Variants in SCYL2 observed in about 807,000 individuals in gnomAD.
SCYL2 encodes the protein SCY1-like protein 2.
Under a neutral mutation model 100.4 loss-of-function variants are expected in SCYL2, and 36 were observed. The ratio of observed to expected loss-of-function variants is 0.36; its 90% CI spans 0.27 to 0.47. The LOEUF (loss-of-function observed/expected upper bound fraction) is 0.47, where lower values mean the gene tolerates loss of function less well. SCYL2 is among the 20% of genes least tolerant of loss of function. The pLI is 1.00. For missense variants in SCYL2, 902 were observed against 1,083.9 expected, an observed-to-expected ratio of 0.83 and a Z score of 2.36; for synonymous variants, 330 against 359.2, an observed-to-expected ratio of 0.92 and a Z score of 0.92.
intron 6 of SCYL2, among the ~76,000 whole-genome samples, chr12:100,313,045 C>T (rs1041292944): frequency 6.6e-6 from 1 of 152,262 alleles, no homozygotes; most frequent in Non-Finnish European, 1.5e-5. Context: ...GGGAGGATCA[C>T]TTGAGCCTGG....
chr12:100,334,228 T>A lies in SCYL2; in HGVS notation c.1824T>A (p.Thr608=), dbSNP rs776636713. The change falls in exon 14 of 18, where the codon ACT becomes ACA. Residue 608 remains threonine, a synonymous_variant. Coordinates refer to ENST00000360820, the MANE Select transcript of SCYL2 (RefSeq NM_017988.6). The stretch of plus-strand genomic sequence containing the variant: ...ATAGATTGGAGTCTGAACATAAGAC[T>A]AAACTGGAGCAACTTCATATAATGC... ...MLNRLESEHK[T]KLEQLHIMQE... is the part of the protein sequence containing the mutation. The A allele has an allele frequency of 1.2e-6, 2 of 1,604,738 alleles. No individual in the cohort carries two copies. The highest frequency in any genetic ancestry group is 2.2e-5 in the East Asian group (1 of 44,722).
intron 10 of SCYL2, among the ~76,000 whole-genome samples, chr12:100,321,970 C>T (rs1310488243): frequency 6.8e-6 from 1 of 148,082 alleles, no homozygotes; most frequent in Non-Finnish European, 1.5e-5. Context: ...AGGAGGATCA[C>T]TTGAGCCCAG....
intron 4 of SCYL2, among the ~76,000 whole-genome samples, chr12:100,308,618 C>A (rs1450813826): frequency 9.2e-5 from 14 of 152,094 alleles, no homozygotes; most frequent in Admixed American, 2.6e-4. Flanking sequence ...GCACATGTAT[C>A]CCAGAACTTA....
chr12:100,301,165 C>T (rs1463284626), intron 4 of SCYL2, among the ~76,000 whole-genome samples: 1 of 152,180 alleles, frequency 6.6e-6, no homozygotes, highest in Non-Finnish European at 1.5e-5. Context: ...GCATTTGTTA[C>T]TGCCTGTCTT....
intron 3 of SCYL2, among the ~76,000 whole-genome samples, chr12:100,294,064 G>C (rs566963823): frequency 9.0e-4 from 134 of 148,956 alleles, no homozygotes; most frequent in African/African-American, 2.8e-3. Context: ...AGACGGGGTG[G>C]TGGCCGGGCA....
intron 2 of SCYL2, among the ~76,000 whole-genome samples, chr12:100,287,899 T>C (rs2096306160): frequency 1.3e-5 from 2 of 152,218 alleles, no homozygotes; most frequent in South Asian, 4.1e-4. Context: ...AATAGACATC[T>C]GAGTATCTTC....
chr12:100,284,118 A>G (rs1257604909), intron 2 of SCYL2, among the ~76,000 whole-genome samples: 1 of 152,216 alleles, frequency 6.6e-6, no homozygotes, highest in Non-Finnish European at 1.5e-5. Flanking sequence ...TATAAGGGGA[A>G]AACAAAATAA....
chr12:100,275,147 A>G (rs2096291267), intron 1 of SCYL2, among the ~76,000 whole-genome samples: 1 of 152,162 alleles, frequency 6.6e-6, no homozygotes, highest in South Asian at 2.1e-4. Context: ...TACCCTTGAA[A>G]CAGTATTTTT....
rs2135952674 is a variant in SCYL2, at chr12:100,340,414, T to C, written c.*1242T>C. 6.6e-6 allele frequency: 1 copy of C among 152,268 alleles called. No individual in the cohort carries two copies. Among genetic ancestry groups the C allele is most frequent in the African/African-American group, 2.4e-5 (1 of 41,584 alleles). The allele number at this position is 152,268 out of a possible 1,614,324, so 9.4% of individuals were successfully genotyped here. On this transcript the variant is annotated 3_prime_UTR_variant, in exon 18 of 18. Transcript: ENST00000360820. ...CTTATGCTATAAATGTCATTTGTAT[T>C]TTAAAAAATAATATTCCACTCATAA... is the stretch of plus-strand genomic sequence containing the variant.
At chr12:100,288,512 A>G (rs2096306898) in intron 2 of SCYL2, among the ~76,000 whole-genome samples, 1 of 152,010 alleles carries the variant, frequency 6.6e-6, no homozygotes, top group Admixed American at 6.6e-5. Context: ...TGCAAGAGCT[A>G]TTTCATGTAG....
rs544663102 is a variant in SCYL2 at position 100,339,413 on chromosome 12, C to T, written c.*241C>T. The T allele has an allele frequency of 3.7e-4, 163 of 437,224 alleles. 2 individuals are homozygous for T. The South Asian group carries it at 7.6e-3, about 20-fold the overall frequency. 27.1% of individuals were successfully genotyped at this position (437,224 alleles called of 1,614,324 possible). On this transcript the variant is annotated 3_prime_UTR_variant, in exon 18 of 18. Transcript: ENST00000360820. ...CTCTTCAGGTTTTTAAAGACCCAGC[C>T]CTTCCCAATCTCAAAGAGAAAAAGG...
chr12:100,335,949 G>A (rs749540717), intron 16 of SCYL2, 43 bp downstream of exon 16: 41 of 1,433,356 alleles, frequency 2.9e-5, no homozygotes, highest in Non-Finnish European at 3.8e-5. Flanking sequence ...ATTTTATGCT[G>A]TAGGACTTCC....
In SCYL2 at chr12:100,267,560, CG is replaced by C. The variant is rs1436248436; in HGVS notation, c.-259del. ...GCCTGGTGACGGGCCTGCCGGCGGC[CG>C]GCCGGGCGATCGGCGGTCGGCGCCC... On this transcript the variant is annotated 5_prime_UTR_variant, in exon 1 of 18. Transcript: ENST00000360820. The C allele has an allele frequency of 6.6e-6, 1 of 152,558 alleles. No homozygotes were observed. The highest frequency in any genetic ancestry group is 1.5e-5 in the Non-Finnish European group (1 of 68,276). The allele number at this position is 152,558 out of a possible 1,614,324, so 9.5% of individuals were successfully genotyped here.
At chr12:100,291,134 G>A (rs964313331) in intron 2 of SCYL2, among the ~76,000 whole-genome samples, 2 of 152,152 alleles carry the variant, frequency 1.3e-5, no homozygotes, top group Non-Finnish European at 2.9e-5. Flanking sequence ...AGCATTTCAA[G>A]ATTTTGTAGT....
At chr12:100,306,407 T>C (rs2096334445) in intron 4 of SCYL2, among the ~76,000 whole-genome samples, 1 of 152,206 alleles carries the variant, frequency 6.6e-6, no homozygotes, top group Non-Finnish European at 1.5e-5. Context: ...AAAAACCACA[T>C]GATTATATCA....
In SCYL2 at chr12:100,340,024, A is replaced by G. The variant is rs1952333450; in HGVS notation, c.*852A>G. The stretch of plus-strand genomic sequence containing the variant: ...AAATTCAAACTTCTGAGGTTGCAGC[A>G]TATATGAATTGCATTTTCAAAAGAA... On this transcript the variant is annotated 3_prime_UTR_variant, in exon 18 of 18. Coordinates refer to ENST00000360820, the MANE Select transcript of SCYL2 (RefSeq NM_017988.6). 1 of 152,628 alleles carries G rather than the reference A, an allele frequency of 6.6e-6. No homozygotes were observed. The allele number at this position is 152,628 out of a possible 1,614,324, so 9.5% of individuals were successfully genotyped here. A position where few individuals can be genotyped will look rare whatever the true frequency, so the allele number is the denominator to read the frequency against.
intron 1 of SCYL2, among the ~76,000 whole-genome samples, chr12:100,273,810 G>A (rs1052772536): frequency 6.6e-6 from 1 of 152,132 alleles, no homozygotes; most frequent in South Asian, 2.1e-4. Context: ...GTTAATTGCT[G>A]TAACTCTTTG....
chr12:100,303,070 C>T (rs1045803666), intron 4 of SCYL2, among the ~76,000 whole-genome samples: 19 of 151,984 alleles, frequency 1.3e-4, no homozygotes, highest in African/African-American at 4.4e-4. Flanking sequence ...GTATGCTTCA[C>T]GAAGTTCTCA....
rs1358394799 is a variant in SCYL2, at chr12:100,276,629, C to T, written c.-28-6314C>T. Among the ~76,000 whole-genome samples, 3 of 152,304 alleles carry T rather than the reference C, an allele frequency of 2.0e-5. No homozygotes were observed. The South Asian group carries it at 6.2e-4, about 32-fold the overall frequency. On this transcript the variant is annotated intron_variant, in intron 1 of 17. Transcript: ENST00000360820. Reference sequence around the variant, plus strand: ...TTGGGATTACAAGCATGAGTCATTGCACCTTGCTAAAATTTTCTTGATCAA... The same window carrying T: ...TTGGGATTACAAGCATGAGTCATTGTACCTTGCTAAAATTTTCTTGATCAA...
Sources: gnomAD v4.1 joint callset for allele counts (sites outside exome capture counted in the v4.1 genomes callset) on GRCh38, gnomAD v4.1.1 for gene constraint, MANE v1.5 for transcripts, NCBI Gene and HGNC (gene_info 2026-07-23, HGNC 2026-07-21) for gene names.